The following VAV3 variants were observed in gnomAD, a reference collection of about 807,000 sequenced individuals.
VAV3 encodes guanine nucleotide exchange factor VAV3.
Under a neutral mutation model 131.2 loss-of-function variants are expected in VAV3, and 94 were observed. The observed-to-expected ratio is 0.72, with a 90% CI of 0.61 to 0.85. The LOEUF (loss-of-function observed/expected upper bound fraction) is 0.85. Among genes scored for constraint, VAV3 ranks in the 40% least tolerant of loss-of-function variants. The pLI is 0.00. For synonymous variants in VAV3, 349 were observed against 342.0 expected, an observed-to-expected ratio of 1.02 and a Z score of -0.22; for missense variants, 939 against 1,002.7, an observed-to-expected ratio of 0.94 and a Z score of 0.86.
intron 2 of VAV3, among the ~76,000 whole-genome samples, chr1:107,873,385 G>C (rs1356899721): frequency 6.6e-6 from 1 of 151,902 alleles, no homozygotes; most frequent in Non-Finnish European, 1.5e-5. Flanking sequence ...AAAAAGTCAA[G>C]ACTTTTTCAT....
intron 19 of VAV3, among the ~76,000 whole-genome samples, chr1:107,645,292 G>A (rs1655654675): frequency 6.7e-6 from 1 of 150,294 alleles, no homozygotes; most frequent in Non-Finnish European, 1.5e-5. Flanking sequence ...TTGTGGAATG[G>A]GTTGTGAGTT....
chr1:107,647,462 C>T (rs528771621), intron 19 of VAV3, among the ~76,000 whole-genome samples: 16 of 151,830 alleles, frequency 1.1e-4, no homozygotes, highest in Non-Finnish European at 2.2e-4. Flanking sequence ...GGGAAAGTAT[C>T]CTGCCTTCAA....
chr1:107,659,525 C>A (rs1656847522), intron 19 of VAV3, among the ~76,000 whole-genome samples: 2 of 152,112 alleles, frequency 1.3e-5, no homozygotes, highest in Non-Finnish European at 2.9e-5. Flanking sequence ...GAAGCACTGA[C>A]AAAGTGATTG....
At chr1:107,684,854 A>G (rs1473226884) in intron 18 of VAV3, among the ~76,000 whole-genome samples, 1 of 152,238 alleles carries the variant, frequency 6.6e-6, no homozygotes, top group Admixed American at 6.5e-5. Flanking sequence ...TAATTTAAAG[A>G]AAAAATCTTT....
chr1:107,889,220 A>C (rs192337964), intron 1 of VAV3, among the ~76,000 whole-genome samples: 4 of 151,306 alleles, frequency 2.6e-5, no homozygotes, highest in Admixed American at 6.6e-5. Context: ...ATGCCCAAAA[A>C]CCTCCAAATT....
chr1:107,755,369 CCTA>C, intron 12 of VAV3, 55 bp downstream of exon 12: 1 of 1,265,744 alleles, frequency 7.9e-7, no homozygotes, highest in Non-Finnish European at 1.2e-6. Flanking sequence ...AACAACAACT[CCTA>C]GAATGTCGTT....
intron 1 of VAV3, among the ~76,000 whole-genome samples, chr1:107,954,772 G>GGGGGGGT (rs766278495): frequency 2.4e-4 from 36 of 150,082 alleles, no homozygotes; most frequent in African/African-American, 8.8e-4. Context: ...CATGGGAGGG[G>GGGGGGGT]GGGAAATTCA....
intron 1 of VAV3, among the ~76,000 whole-genome samples, chr1:107,881,091 T>A (rs1292862140): frequency 6.6e-6 from 1 of 152,224 alleles, no homozygotes; most frequent in Admixed American, 6.5e-5. Flanking sequence ...CCTTAACTAC[T>A]ATGTTATATT....
intron 15 of VAV3, among the ~76,000 whole-genome samples, chr1:107,733,795 G>A (rs1016234643): frequency 6.6e-6 from 1 of 152,192 alleles, no homozygotes; most frequent in African/African-American, 2.4e-5. Context: ...AGGGAGAATG[G>A]AATCAAGCTG....
At chr1:107,937,425 G>A (rs1203538126) in intron 1 of VAV3, among the ~76,000 whole-genome samples, 1 of 152,186 alleles carries the variant, frequency 6.6e-6, no homozygotes, top group Non-Finnish European at 1.5e-5. Context: ...CCAAATACCA[G>A]TATGTCATTT....
At chr1:107,820,136 T>C (rs956739429) in intron 2 of VAV3, among the ~76,000 whole-genome samples, 2 of 152,208 alleles carry the variant, frequency 1.3e-5, no homozygotes, top group African/African-American at 4.8e-5. Context: ...GAAATCAGTA[T>C]ATCAAAGAGA....
At chr1:107,916,675 A>G (rs770747628) in intron 1 of VAV3, among the ~76,000 whole-genome samples, 24 of 152,348 alleles carry the variant, frequency 1.6e-4, no homozygotes, top group Non-Finnish European at 3.1e-4. Flanking sequence ...GATAAATAAC[A>G]TAAGTTCTGG....
intron 1 of VAV3, among the ~76,000 whole-genome samples, chr1:107,897,568 A>C (rs1229102018): frequency 1.3e-5 from 2 of 152,026 alleles, no homozygotes; most frequent in Non-Finnish European, 2.9e-5. Context: ...TTAGTCAAGA[A>C]GGCTTTAGCC....
At chr1:107,599,982 C>G (rs1459062308) in intron 24 of VAV3, among the ~76,000 whole-genome samples, 1 of 151,910 alleles carries the variant, frequency 6.6e-6, no homozygotes, top group Non-Finnish European at 1.5e-5. Context: ...AACCTTCACA[C>G]CAATTAATCA....
chr1:107,846,772 C>T (rs1201290211), intron 2 of VAV3, among the ~76,000 whole-genome samples: 1 of 152,146 alleles, frequency 6.6e-6, no homozygotes, highest in Non-Finnish European at 1.5e-5. Flanking sequence ...ATTCATAAAG[C>T]AAGTCCTTAG....
intron 6 of VAV3, 115 bp from the exon 7 acceptor site, chr1:107,768,624 A>G: frequency 1.4e-6 from 1 of 715,646 alleles, no homozygotes. Context: ...GATCAGCATT[A>G]TAAACACCAA....
intron 15 of VAV3, among the ~76,000 whole-genome samples, chr1:107,737,379 T>C (rs1315229674): frequency 1.3e-5 from 2 of 152,132 alleles, no homozygotes; most frequent in African/African-American, 4.8e-5. Context: ...CTAAAGAGCT[T>C]CTGCACAGCA....
chr1:107,719,093 C>G (rs1377285615), intron 15 of VAV3, among the ~76,000 whole-genome samples: 4 of 152,180 alleles, frequency 2.6e-5, no homozygotes, highest in Non-Finnish European at 5.9e-5. Context: ...AGACCTAAAA[C>G]CATAAAAACC....
intron 15 of VAV3, among the ~76,000 whole-genome samples, chr1:107,746,410 GGT>G (rs556218186): frequency 8.7e-4 from 132 of 152,264 alleles, no homozygotes; most frequent in African/African-American, 3.1e-3. Context: ...TACTTCTACT[GGT>G]GTGTTATTTT....
Sources: gnomAD v4.1 joint callset for allele counts (sites outside exome capture counted in the v4.1 genomes callset) on GRCh38, gnomAD v4.1.1 for gene constraint, MANE v1.5 for transcripts, NCBI Gene and HGNC (gene_info 2026-07-23, HGNC 2026-07-21) for gene names.